MEGF6: variants seen among roughly 807,000 people sequenced by gnomAD.
MEGF6 encodes the protein multiple epidermal growth factor-like domains protein 6.
In MEGF6, 184 loss-of-function variants were observed where a neutral mutation model predicts 207.1. The observed-to-expected ratio is 0.89, with a 90% CI of 0.79 to 1.00. MEGF6 has a LOEUF of 1.00. Ranked by LOEUF, MEGF6 falls within the 50% of genes least tolerant of loss-of-function variation. The probability of loss-of-function intolerance (pLI) is 0.00; values close to 1 mark genes in which losing one functional copy is unlikely to be tolerated. For missense variants in MEGF6, 2,282 were observed against 2,202.9 expected (o/e 1.04, Z -0.72); for synonymous variants, 1,038 against 910.0 (o/e 1.14, Z -2.53).
At chr1:3,513,201 A>C (rs1389634036) in intron 7 of MEGF6, among the ~76,000 whole-genome samples, 2 of 151,054 alleles carry the variant, frequency 1.3e-5, no homozygotes, top group Non-Finnish European at 2.9e-5. Flanking sequence ...TTATTATTTT[A>C]CTTGTTTATT....
At chr1:3,523,082 G>T (rs1034074404) in intron 5 of MEGF6, among the ~76,000 whole-genome samples, 1 of 152,072 alleles carries the variant, frequency 6.6e-6, no homozygotes, top group Admixed American at 6.5e-5. Flanking sequence ...GCCGGGGGGG[G>T]GGCCCCAGGG....
At chr1:3,498,590 C>G in intron 25 of MEGF6, 91 bp from the exon 26 acceptor site, 1 of 1,484,876 alleles carries the variant, frequency 6.7e-7, no homozygotes, top group Non-Finnish European at 9.0e-7. Context: ...AGAGCTGAAG[C>G]CTACACCCCA....
intron 4 of MEGF6, chr1:3,531,057 GC>G: frequency 6.6e-7 from 1 of 1,504,972 alleles, no homozygotes; most frequent in Non-Finnish European, 8.9e-7. Context: ...CGCCCGCCCT[GC>G]CCAGGCTCGC....
In MEGF6 at chr1:3,541,105, C is replaced by T. The variant is rs527951146; in HGVS notation, c.482-16859G>A. 1.6e-3 allele frequency among the ~76,000 whole-genome samples: 240 copies of T among 152,314 alleles called. 1 individual carries two copies. The highest frequency in any genetic ancestry group is 1.1e-3 in the Non-Finnish European group (72 of 68,024). The stretch of plus-strand genomic sequence containing the variant: ...CCTGGACTTCAAAGGGCTCTGGGCA[C>T]CTGTCCCCTCTGCCACCCTCCAGCT... On this transcript the variant is annotated intron_variant, in intron 4 of 36. Transcript: ENST00000356575.
In MEGF6 at chr1:3,501,009, G is replaced by A. The variant is rs773889605; in HGVS notation, c.2532C>T (p.His844=). 19 of 1,612,562 alleles carry A rather than the reference G, an allele frequency of 1.2e-5. No homozygotes were observed. In the South Asian group the frequency reaches 1.9e-4, roughly 16 times the overall value. ...CGGTCCACCCGGGGGCACAGCTGCA[G>A]TGTCCGGTGGCTGGGTGGCAGTGCC... ...NDGHCHPATG[H]CSCAPGWTGF... Residue 844 remains histidine, a synonymous_variant, in exon 20 of 37, where the codon CAC becomes CAT. Transcript: ENST00000356575.
At position 3,492,666 on chromosome 1, in the gene MEGF6, C is replaced by T; in HGVS notation, c.4489G>A (p.Gly1497Ser). 6.2e-7 allele frequency: 1 copy of T among 1,612,568 alleles called. No homozygotes were observed. The highest frequency in any genetic ancestry group is 8.5e-7 in the Non-Finnish European group (1 of 1,179,806). Reference sequence around the variant, plus strand: ...TCCCGGCACGTGGGCCCCATGTAGCCATCCACACAGTGACACTGCCCACTG... The same window carrying T: ...TCCCGGCACGTGGGCCCCATGTAGCTATCCACACAGTGACACTGCCCACTG... ...PVSGQCHCVD[G>S]YMGPTCREGG... Residue 1497 changes from glycine (G) to serine (S), a missense_variant, in exon 35 of 37, where the codon GGC becomes AGC. Gly to Ser is a moderately conservative substitution (Grantham distance 56). Coordinates refer to ENST00000356575, the MANE Select transcript of MEGF6 (RefSeq NM_001409.4).
At chr1:3,600,197 G>A (rs1007977366) in intron 2 of MEGF6, among the ~76,000 whole-genome samples, 3 of 152,304 alleles carry the variant, frequency 2.0e-5, no homozygotes, top group Admixed American at 1.3e-4. Context: ...TCAGTGCCCC[G>A]GCTGAATGGT....
intron 4 of MEGF6, among the ~76,000 whole-genome samples, chr1:3,532,055 G>C (rs940463146): frequency 6.6e-6 from 1 of 152,256 alleles, no homozygotes; most frequent in Non-Finnish European, 1.5e-5. Context: ...CCCTGCAGCA[G>C]GTGGTGACGG....
In MEGF6 at chr1:3,559,556, C is replaced by G. The variant is rs895713673; in HGVS notation, c.481+20269G>C. Among the ~76,000 whole-genome samples the G allele has an allele frequency of 3.5e-5, 5 of 143,752 alleles. No individual in the cohort carries two copies. In the Admixed American group the frequency reaches 3.5e-4, roughly 10 times the overall value. 94.3% of individuals were successfully genotyped at this position (143,752 alleles called of 152,430 possible). A position where few individuals can be genotyped will look rare whatever the true frequency, so the allele number is the denominator to read the frequency against. ...AAAAAAAAAAAAAAAAAGAAGAAGT[C>G]TACTTGCAAACACTTGTGATAATCA... On this transcript the variant is annotated intron_variant, in intron 4 of 36. Coordinates refer to ENST00000356575, the MANE Select transcript of MEGF6 (RefSeq NM_001409.4).
rs544659432 is a variant in MEGF6 at position 3,499,730 on chromosome 1, G to A, written c.2837-14C>T. 1.4e-5 allele frequency: 22 copies of A among 1,602,062 alleles called. No individual in the cohort carries two copies. In the African/African-American group the frequency reaches 2.4e-4, roughly 17 times the overall value. ...CGGCCGGGCAGGCTGCAGACAGCGG[G>A]CAGTGATGTGGAGGGGCCCACACTG... On this transcript the variant is annotated splice_polypyrimidine_tract_variant and intron_variant, in intron 22 of 36. Transcript: ENST00000356575.
At chr1:3,552,121 G>A (rs574062373) in intron 4 of MEGF6, among the ~76,000 whole-genome samples, 9 of 152,324 alleles carry the variant, frequency 5.9e-5, no homozygotes, top group Admixed American at 1.3e-4. Flanking sequence ...GGACCCCAGC[G>A]GTGGCTCCCC....
chr1:3,608,076 G>T (rs1000744203), intron 1 of MEGF6, among the ~76,000 whole-genome samples: 4 of 152,270 alleles, frequency 2.6e-5, no homozygotes, highest in African/African-American at 9.6e-5. Flanking sequence ...TGGAGGGCGG[G>T]GCTCGCTCAG....
rs1286152555 is a variant in MEGF6 at position 3,493,761 on chromosome 1, CCA to C, written c.4387+8_4387+9del. 1.1e-5 allele frequency: 17 copies of C among 1,610,886 alleles called. No individual in the cohort carries two copies. The highest frequency in any genetic ancestry group is 1.4e-5 in the Non-Finnish European group (17 of 1,178,582). ...ACCCACGCCCTTCCTGGGCAGGACCCCAGACTCACCCAGGTTACAGGTGGCTC... is the reference window on the plus strand; with the variant it reads ...ACCCACGCCCTTCCTGGGCAGGACCCGACTCACCCAGGTTACAGGTGGCTC... On this transcript the variant is annotated splice_region_variant and intron_variant, in intron 34 of 36. Coordinates refer to ENST00000356575, the MANE Select transcript of MEGF6 (RefSeq NM_001409.4).
chr1:3,510,075 G>T (rs1641281550), intron 10 of MEGF6, 83 bp from the exon 11 acceptor site: 1 of 1,493,162 alleles, frequency 6.7e-7, no homozygotes, highest in Admixed American at 2.4e-5. Flanking sequence ...CCTACCCACA[G>T]GACTGAAGCC....
chr1:3,521,500 T>A (rs1461133572), intron 5 of MEGF6, among the ~76,000 whole-genome samples: 1 of 151,972 alleles, frequency 6.6e-6, no homozygotes, highest in Non-Finnish European at 1.5e-5. Flanking sequence ...ACCCTCCCCA[T>A]CCCAGGCCGG....
chr1:3,565,470 T>A lies in MEGF6; in HGVS notation c.481+14355A>T, dbSNP rs1033614000. ...AAGAAGGGAGGTGGGGACCCCTTGA[T>A]TGCAGGAGGCCCCTTCCAAGAGGGG... On this transcript the variant is annotated intron_variant, in intron 4 of 36. Transcript: ENST00000356575. The surrounding 1 kb of genome is among the most constrained non-coding windows in gnomAD (Gnocchi z 4.8). Among the ~76,000 whole-genome samples the A allele has an allele frequency of 6.6e-6, 1 of 152,172 alleles. No homozygotes were observed. The highest frequency in any genetic ancestry group is 1.5e-5 in the Non-Finnish European group (1 of 68,014).
At chr1:3,545,768 G>T (rs550087894) in intron 4 of MEGF6, among the ~76,000 whole-genome samples, 1 of 152,186 alleles carries the variant, frequency 6.6e-6, no homozygotes, top group African/African-American at 2.4e-5. Flanking sequence ...TCACTGAGCC[G>T]GGGCTCCCAA....
At chr1:3,558,118 A>C (rs905544997) in intron 4 of MEGF6, among the ~76,000 whole-genome samples, 2 of 152,100 alleles carry the variant, frequency 1.3e-5, no homozygotes, top group Non-Finnish European at 2.9e-5. Context: ...CTCAGCACTC[A>C]CTGCCTGCAG....
chr1:3,494,493 G>A lies in MEGF6; in HGVS notation c.4007C>T (p.Pro1336Leu), dbSNP rs1391680447. Residue 1336 changes from proline to leucine, a missense_variant, in exon 32 of 37, where the codon CCC becomes CTC. Pro to Leu is a moderately conservative substitution (Grantham distance 98, BLOSUM62 -3). Coordinates refer to ENST00000356575, the MANE Select transcript of MEGF6 (RefSeq NM_001409.4). ...GCAGGCGGCTCCGTAGCGCCCAGGG[G>A]GACAGGCTGGGGACAGGGCAGGGTG... The part of the protein sequence containing the change: ...WTGRHCELAC[P>L]PGRYGAACHL... 1.1e-5 allele frequency: 18 copies of A among 1,590,066 alleles called. No homozygotes were observed. Among genetic ancestry groups the A allele is most frequent in the East Asian group, 4.6e-5 (2 of 43,786 alleles).
Sources: allele counts gnomAD v4.1 joint callset (sites outside exome capture counted in the v4.1 genomes callset), GRCh38; gene constraint gnomAD v4.1.1; non-coding constraint Gnocchi (gnomAD v3.1); transcripts MANE v1.5; gene names NCBI Gene and HGNC (gene_info 2026-07-23, HGNC 2026-07-21).